CLCN4: variants seen among roughly 807,000 people sequenced by gnomAD.
CLCN4 encodes Cl-/H+ antiporter 4.
A neutral mutation model predicts 41.7 loss-of-function variants in CLCN4; 1 was observed. The observed-to-expected ratio is 0.02, with a 90% CI of 0.01 to 0.11. CLCN4 has a LOEUF of 0.11. Among genes scored for constraint, CLCN4 ranks in the 10% least tolerant of loss-of-function variants. The pLI is 1.00. For missense variants in CLCN4, 287 were observed against 661.0 expected (o/e 0.43, Z 6.20); for synonymous variants, 277 against 285.8 (o/e 0.97, Z 0.31).
At chrX:10,230,105 A>G (rs925550947) in intron 12 of CLCN4, among the ~76,000 whole-genome samples, 9 of 110,734 alleles carry the variant, frequency 8.1e-5, no homozygotes, top group African/African-American at 2.7e-4. Flanking sequence ...TGATCAGATT[A>G]TTAGATTTTT....
At chrX:10,194,571 T>C (rs1219475920) in intron 4 of CLCN4, among the ~76,000 whole-genome samples, 3 of 111,642 alleles carry the variant, frequency 2.7e-5, no homozygotes, top group African/African-American at 9.8e-5. Context: ...CCAGAAGCCA[T>C]TGAGAGAGTT....
At chrX:10,208,651 C>A (rs1924458837) in intron 9 of CLCN4, 61 bp downstream of exon 9, 1 of 1,043,872 alleles carries the variant, frequency 9.6e-7, no homozygotes, top group Non-Finnish European at 1.3e-6. Context: ...CAGCACCCTA[C>A]TCTCTAAAAT....
At chrX:10,201,827 G>T (rs915434626) in intron 6 of CLCN4, among the ~76,000 whole-genome samples, 1 of 111,652 alleles carries the variant, frequency 9.0e-6, no homozygotes, top group Non-Finnish European at 1.9e-5. Flanking sequence ...GCAAATTTAG[G>T]TCAGGTACGG....
In CLCN4 at chrX:10,233,875, A is replaced by G. The variant is rs1159978247; in HGVS notation, c.*291A>G. On this transcript the variant is annotated 3_prime_UTR_variant, in exon 13 of 13. Coordinates refer to ENST00000380833, the MANE Select transcript of CLCN4 (RefSeq NM_001830.4). ...AAATGATGTAAATGATGTGATCTGT[A>G]CAAGTATGTGGAGCATGAATGCTGA... 8.2e-6 allele frequency: 2 copies of G among 242,719 alleles called. No individual in the cohort carries two copies. The highest frequency in any genetic ancestry group is 1.5e-5 in the Non-Finnish European group (2 of 136,885). The allele number at this position is 242,719 out of a possible 1,213,427, so 20.0% of individuals were successfully genotyped here. A position where few individuals can be genotyped will look rare whatever the true frequency, so the allele number is the denominator to read the frequency against.
intron 2 of CLCN4, among the ~76,000 whole-genome samples, chrX:10,159,691 G>A (rs781001464): frequency 9.0e-6 from 1 of 111,381 alleles, no homozygotes; most frequent in South Asian, 3.8e-4. Flanking sequence ...TCAGAATTTG[G>A]GACACCCAGA....
chrX:10,195,895 C>T (rs942034716), intron 5 of CLCN4, among the ~76,000 whole-genome samples: 1 of 112,277 alleles, frequency 8.9e-6, no homozygotes, highest in Non-Finnish European at 1.9e-5. Flanking sequence ...TTGTTGGTTG[C>T]TTTTGCTTTT....
intron 12 of CLCN4, among the ~76,000 whole-genome samples, chrX:10,227,623 A>C (rs1274148265): frequency 1.8e-5 from 2 of 111,896 alleles, no homozygotes; most frequent in African/African-American, 6.5e-5. Flanking sequence ...GATCATTTTC[A>C]TCACCCCAAA....
intron 12 of CLCN4, among the ~76,000 whole-genome samples, chrX:10,222,296 G>A (rs1924880324): frequency 8.9e-6 from 1 of 111,827 alleles, no homozygotes; most frequent in Non-Finnish European, 1.9e-5. Flanking sequence ...GTAAGGGAAG[G>A]GGTCGGCTTG....
chrX:10,177,999 C>T (rs1923577234), intron 2 of CLCN4, among the ~76,000 whole-genome samples: 1 of 112,238 alleles, frequency 8.9e-6, no homozygotes, highest in Admixed American at 9.4e-5. Flanking sequence ...CCCTTGAAAG[C>T]ATTATGCTAG....
chrX:10,224,051 T>G (rs570485094), intron 12 of CLCN4, among the ~76,000 whole-genome samples: 2 of 111,901 alleles, frequency 1.8e-5, no homozygotes, highest in East Asian at 2.8e-4. Context: ...TGGGTTGATG[T>G]TCAGCTTTCT....
intron 2 of CLCN4, among the ~76,000 whole-genome samples, chrX:10,171,518 G>A (rs1412102389): frequency 9.0e-6 from 1 of 111,539 alleles, no homozygotes; most frequent in Non-Finnish European, 1.9e-5. Flanking sequence ...CATTAGGGCC[G>A]GGCTGTTAAT....
intron 2 of CLCN4, among the ~76,000 whole-genome samples, chrX:10,175,901 T>A (rs1304352306): frequency 1.0e-5 from 1 of 100,342 alleles, no homozygotes; most frequent in African/African-American, 3.7e-5. Flanking sequence ...TCTCTCTCTC[T>A]CTCCCTCCCT....
At chrX:10,182,748 A>G (rs4431749) in intron 2 of CLCN4, among the ~76,000 whole-genome samples, 37,605 of 110,905 alleles carry the variant, frequency 0.34, 4,997 homozygotes, top group African/African-American at 0.48. Flanking sequence ...TTTAATCCCA[A>G]CCTCACAATA....
chrX:10,202,498 G>C (rs1924263290), intron 6 of CLCN4, among the ~76,000 whole-genome samples: 1 of 107,245 alleles, frequency 9.3e-6, no homozygotes, highest in African/African-American at 3.4e-5. Context: ...AAATAGCCAG[G>C]TTTGGTGGTG....
chrX:10,227,337 C>T (rs751895625), intron 12 of CLCN4, among the ~76,000 whole-genome samples: 1 of 110,781 alleles, frequency 9.0e-6, no homozygotes, highest in African/African-American at 3.3e-5. Context: ...AAAAGGCCTT[C>T]GATAAAAATA....
At chrX:10,161,045 A>G (rs1426051001) in intron 2 of CLCN4, among the ~76,000 whole-genome samples, 1 of 110,320 alleles carries the variant, frequency 9.1e-6, no homozygotes, top group East Asian at 2.9e-4. Flanking sequence ...TAGAATGGCC[A>G]GAAAACATTT....
At chrX:10,199,300 A>G (rs1924176254) in intron 6 of CLCN4, among the ~76,000 whole-genome samples, 1 of 112,413 alleles carries the variant, frequency 8.9e-6, no homozygotes, top group Non-Finnish European at 1.9e-5. Flanking sequence ...AAACTTCATC[A>G]CTGACACATA....
intron 2 of CLCN4, among the ~76,000 whole-genome samples, chrX:10,164,384 C>A: frequency 8.9e-6 from 1 of 111,783 alleles, no homozygotes; most frequent in Non-Finnish European, 1.9e-5. Flanking sequence ...GGCAGGCCAT[C>A]CTGGAACTGG....
chrX:10,166,050 T>C (rs1368125697), intron 2 of CLCN4, among the ~76,000 whole-genome samples: 1 of 112,009 alleles, frequency 8.9e-6, no homozygotes, highest in Non-Finnish European at 1.9e-5. Flanking sequence ...AATAGGTTGT[T>C]GTGGAGAAAA....
Sources: allele counts gnomAD v4.1 joint callset (sites outside exome capture counted in the v4.1 genomes callset), GRCh38; gene constraint gnomAD v4.1.1; transcripts MANE v1.5; gene names NCBI Gene and HGNC (gene_info 2026-07-23, HGNC 2026-07-21).